The following MAP4 variants were observed in gnomAD, a reference collection of about 807,000 sequenced individuals.
The protein encoded by MAP4 is microtubule-associated protein 4.
A neutral mutation model predicts 170.2 loss-of-function variants in MAP4; 76 were observed. The observed-to-expected ratio is 0.45, with a 90% CI of 0.37 to 0.54. The LOEUF is 0.54. MAP4 is among the 20% of genes least tolerant of loss of function. MAP4 has a pLI of 0.00. For missense variants in MAP4, 2,506 were observed against 2,748.0 expected (o/e 0.91, Z 1.97); for synonymous variants, 909 against 994.5 (o/e 0.91, Z 1.62).
At chr3:48,019,449 G>C (rs189141946), upstream of MAP4, among the ~76,000 whole-genome samples, 235 of 152,192 alleles carry the variant, frequency 1.5e-3, 1 homozygote, top group African/African-American at 5.3e-3. Flanking sequence ...AATCTCTATA[G>C]TTATCAGCTC....
intron 3 of MAP4, among the ~76,000 whole-genome samples, chr3:47,952,039 GCGA>G (rs2100064497): frequency 6.7e-6 from 1 of 148,534 alleles, no homozygotes; most frequent in African/African-American, 2.5e-5. Flanking sequence ...CTGCCCGGCC[GCGA>G]CCCCGTCTGG....
intron 1 of MAP4, among the ~76,000 whole-genome samples, chr3:48,064,833 T>G (rs995772522): frequency 1.3e-5 from 2 of 152,102 alleles, no homozygotes; most frequent in African/African-American, 2.4e-5. Context: ...TGCAGGCAGT[T>G]GTAACACAAT....
intron 1 of MAP4, among the ~76,000 whole-genome samples, chr3:48,002,808 TG>T (rs2100099939): frequency 6.7e-6 from 1 of 148,150 alleles, no homozygotes; most frequent in South Asian, 2.2e-4. Context: ...ACCTGGGAGG[TG>T]GAGGTTGCAG....
chr3:47,894,304 C>A (rs927684858), intron 10 of MAP4, among the ~76,000 whole-genome samples: 1 of 152,150 alleles, frequency 6.6e-6, no homozygotes, highest in Admixed American at 6.5e-5. Flanking sequence ...TATGATTGGC[C>A]GGGTGTGGTG....
At position 47,851,191 on chromosome 3, in the gene MAP4, A is replaced by G. The variant is rs529715567; in HGVS notation, c.*1743T>C. On this transcript the variant is annotated 3_prime_UTR_variant, in exon 21 of 21. Coordinates refer to ENST00000683076, the MANE Select transcript of MAP4 (RefSeq NM_001385682.1). ...TTGGCACAGCAGAAGTGTTCTGCAC[A>G]TGGTCTCTACGGAGGAAAGCTGGTC... 1 of 152,360 alleles carries G rather than the reference A, an allele frequency of 6.6e-6. No homozygotes were observed. The highest frequency in any genetic ancestry group is 1.5e-5 in the Non-Finnish European group (1 of 68,042). The allele number at this position is 152,360 out of a possible 1,614,324, so 9.4% of individuals were successfully genotyped here. A position where few individuals can be genotyped will look rare whatever the true frequency, so the allele number is the denominator to read the frequency against.
At chr3:48,074,509 CTTTTTT>C (rs1167906300) in intron 1 of MAP4, among the ~76,000 whole-genome samples, 2 of 112,554 alleles carry the variant, frequency 1.8e-5, no homozygotes, top group African/African-American at 8.3e-5. Flanking sequence ...TATACACACA[CTTTTTT>C]TTTTTTTTTT....
intron 10 of MAP4, among the ~76,000 whole-genome samples, chr3:47,894,608 A>G (rs927579519): frequency 6.7e-6 from 1 of 149,836 alleles, no homozygotes; most frequent in Non-Finnish European, 1.5e-5. Context: ...AAGAAAAAAT[A>G]TGAGGCGAGA....
chr3:47,895,035 A>G (rs1002326976), intron 10 of MAP4, among the ~76,000 whole-genome samples: 55 of 151,524 alleles, frequency 3.6e-4, no homozygotes, highest in South Asian at 8.3e-4. Flanking sequence ...AAAAAAAAAA[A>G]GGGGGTGAGG....
chr3:47,977,638 A>G (rs1399069236), intron 3 of MAP4, among the ~76,000 whole-genome samples: 4 of 152,244 alleles, frequency 2.6e-5, no homozygotes. Context: ...TGTGTGGTAC[A>G]GCTCCAATAA....
chr3:48,012,863 G>A (rs1178079591), intron 1 of MAP4, among the ~76,000 whole-genome samples: 1 of 151,996 alleles, frequency 6.6e-6, no homozygotes, highest in Non-Finnish European at 1.5e-5. Flanking sequence ...TTCTTTACTT[G>A]TCACCACATA....
chr3:47,963,178 C>A (rs1158825909), intron 3 of MAP4, among the ~76,000 whole-genome samples: 1 of 152,166 alleles, frequency 6.6e-6, no homozygotes, highest in African/African-American at 2.4e-5. Flanking sequence ...CCAGTTACAT[C>A]CGATTAAAAT....
At chr3:48,011,509 C>T (rs1160774002) in intron 1 of MAP4, among the ~76,000 whole-genome samples, 7 of 151,058 alleles carry the variant, frequency 4.6e-5, no homozygotes, top group African/African-American at 9.8e-5. Flanking sequence ...GCCAAGATCA[C>T]GCCACTGCAC....
intron 2 of MAP4, among the ~76,000 whole-genome samples, chr3:47,983,666 G>A (rs922950181): frequency 1.3e-5 from 2 of 152,136 alleles, no homozygotes; most frequent in African/African-American, 2.4e-5. Flanking sequence ...GGGATTACAG[G>A]AGTGAGCCAC....
rs771968087 is a variant in MAP4, at chr3:47,928,337, T to G, written c.306A>C (p.Glu102Asp). 31 of 1,614,100 alleles carry G rather than the reference T, an allele frequency of 1.9e-5. No homozygotes were observed. Among genetic ancestry groups the G allele is most frequent in the Non-Finnish European group, 2.4e-5 (28 of 1,179,978 alleles). The change falls in exon 4 of 21, where the codon GAA (glutamate) becomes GAC (aspartate). Residue 102 changes from glutamate to aspartate, a missense_variant. This residue lies in a region of MAP4 where 2,008 missense variants were observed against 2,206.0 expected (regional missense o/e 0.91). Coordinates refer to ENST00000683076, the MANE Select transcript of MAP4 (RefSeq NM_001385682.1). ...EGSDTTGSPT[E>D]FLEEKMAYQE... ...GGTAGGCCATTTTCTCTTCAAGGAA[T>G]TCAGTTGGAGACCCTTAAAATAGAG...
chr3:47,899,523 A>C (rs2100028900), intron 10 of MAP4, among the ~76,000 whole-genome samples: 2 of 152,072 alleles, frequency 1.3e-5, no homozygotes, highest in South Asian at 2.1e-4. Flanking sequence ...TTATCATAAT[A>C]CTCTATCTCT....
chr3:48,032,422 A>C (rs891235894), intron 1 of MAP4, among the ~76,000 whole-genome samples: 13 of 151,920 alleles, frequency 8.6e-5, no homozygotes, highest in African/African-American at 2.2e-4. Context: ...GAATTACTTG[A>C]ATCTCGGAGG....
chr3:47,866,730 G>A (rs1247194030), intron 17 of MAP4, among the ~76,000 whole-genome samples: 1 of 152,176 alleles, frequency 6.6e-6, no homozygotes, highest in Admixed American at 6.5e-5. Flanking sequence ...CTCTAGCTTG[G>A]GCAACAAAGT....
intron 10 of MAP4, among the ~76,000 whole-genome samples, chr3:47,887,702 T>C (rs938549381): frequency 4.6e-5 from 7 of 152,234 alleles, no homozygotes; most frequent in African/African-American, 1.7e-4. Context: ...AGAGTCTTTA[T>C]ATCTACCTCA....
At chr3:47,946,218 C>CA (rs1181081581) in intron 3 of MAP4, among the ~76,000 whole-genome samples, 1 of 151,040 alleles carries the variant, frequency 6.6e-6, no homozygotes, top group African/African-American at 2.4e-5. Context: ...GCTGGGATTA[C>CA]AGGTGTGAGC....
Sources: gnomAD v4.1 joint callset for allele counts (sites outside exome capture counted in the v4.1 genomes callset) on GRCh38, gnomAD v4.1.1 for gene constraint, gnomAD v4.1.1 regional missense constraint, MANE v1.5 for transcripts, NCBI Gene and HGNC (gene_info 2026-07-23, HGNC 2026-07-21) for gene names.